The following ANAPC7 variants were observed in gnomAD, a reference collection of about 807,000 sequenced individuals.
The protein encoded by ANAPC7 is anaphase promoting complex subunit 7.
ANAPC7 carries 25 observed loss-of-function variants against 63.3 expected under a neutral mutation model. The observed-to-expected ratio is 0.39, with a 90% CI of 0.29 to 0.55. The LOEUF (loss-of-function observed/expected upper bound fraction) is 0.55. Among genes scored for constraint, ANAPC7 ranks in the 20% least tolerant of loss-of-function variants. ANAPC7 has a pLI of 0.57. For synonymous variants in ANAPC7, 241 were observed against 251.7 expected, an observed-to-expected ratio of 0.96 and a Z score of 0.40; for missense variants, 516 against 691.7, an observed-to-expected ratio of 0.75 and a Z score of 2.85.
chr12:110,402,447 A>T (rs1268991335), intron 1 of ANAPC7, among the ~76,000 whole-genome samples: 1 of 151,470 alleles, frequency 6.6e-6, no homozygotes, highest in Non-Finnish European at 1.5e-5. Context: ...CTTCTGCCTC[A>T]GCCTCCCGAG....
chr12:110,399,879 T>C (rs1317044092), intron 1 of ANAPC7, among the ~76,000 whole-genome samples: 1 of 151,422 alleles, frequency 6.6e-6, no homozygotes, highest in Non-Finnish European at 1.5e-5. Context: ...GAGGATCACC[T>C]GAGGTCAGGA....
In ANAPC7 at chr12:110,395,125, G is replaced by A. The variant is rs1883460385; in HGVS notation, c.384C>T (p.Ile128=). 1 of 1,613,644 alleles carries A rather than the reference G, an allele frequency of 6.2e-7. No individual in the cohort carries two copies. Among genetic ancestry groups the A allele is most frequent in the Admixed American group, 1.7e-5 (1 of 59,898 alleles). ...DKDAIAILDG[I]PSRQRTPKIN... is the part of the protein sequence containing the mutation. ...CTTTGGGAGTTCTTTGTCTTGAAGG[G>A]ATCCCATCAAGTATAGCAATGGCAT... Residue 128 remains isoleucine (I), a synonymous_variant, in exon 3 of 11, where the codon ATC becomes ATT. Coordinates refer to ENST00000455511, the MANE Select transcript of ANAPC7 (RefSeq NM_016238.3).
intron 2 of ANAPC7, 98 bp from the exon 3 acceptor site, chr12:110,395,318 C>A: frequency 7.1e-6 from 7 of 988,620 alleles, no homozygotes; most frequent in Non-Finnish European, 9.9e-6. Context: ...CCCAGCAATT[C>A]TTTTTTTTTT....
At chr12:110,374,570 A>T (rs553934852) in intron 10 of ANAPC7, among the ~76,000 whole-genome samples, 7 of 152,070 alleles carry the variant, frequency 4.6e-5, no homozygotes, top group Non-Finnish European at 1.0e-4. Flanking sequence ...TTTCTCCACA[A>T]ATTTCTTAAA....
Position 110,378,248 on chromosome 12 carries a change from C to A in ANAPC7, c.1133-631G>T, listed in dbSNP as rs534060677. 1.2e-4 allele frequency among the ~76,000 whole-genome samples: 19 copies of A among 152,290 alleles called. 3 individuals carry two copies. The South Asian group carries it at 3.5e-3, about 28-fold the overall frequency. On this transcript the variant is annotated intron_variant, in intron 8 of 10. Coordinates refer to ENST00000455511, the MANE Select transcript of ANAPC7 (RefSeq NM_016238.3). ...TAGCTGGGATTACAAGCATGCACCACCACACCCGGCTAGTTTTGTATTTTT... is the reference window on the plus strand; with the variant it reads ...TAGCTGGGATTACAAGCATGCACCAACACACCCGGCTAGTTTTGTATTTTT...
chr12:110,386,183 C>T (rs1399927776), intron 6 of ANAPC7, 144 bp downstream of exon 6: 1 of 1,231,548 alleles, frequency 8.1e-7, no homozygotes, highest in South Asian at 1.4e-5. Context: ...TGTGTCATGA[C>T]CTAAAAAAAG....
rs148234937 is a variant in ANAPC7 at position 110,395,542 on chromosome 12, C to T, written c.289-322G>A. On this transcript the variant is annotated intron_variant, in intron 2 of 10. Transcript: ENST00000455511. ...TCCTGACCTCAAGTCCTCCTACCTC[C>T]GCCTCTGGAAGTGCTTGGATTACAG... Among the ~76,000 whole-genome samples, 6 of 152,118 alleles carry T rather than the reference C, an allele frequency of 3.9e-5. No homozygotes were observed. In the East Asian group the frequency reaches 1.2e-3, roughly 29 times the overall value.
In ANAPC7 at chr12:110,379,629, C is replaced by A. The variant is rs543981809; in HGVS notation, c.1133-2012G>T. ...AGAACAAAGACAATACTCTTTCCCC[C>A]TCAACAAATCCAGAGGCATAGCTCT... On this transcript the variant is annotated intron_variant, in intron 8 of 10. Coordinates refer to ENST00000455511, the MANE Select transcript of ANAPC7 (RefSeq NM_016238.3). 2.0e-5 allele frequency among the ~76,000 whole-genome samples: 3 copies of A among 152,314 alleles called. No individual in the cohort carries two copies. In the South Asian group the frequency reaches 6.2e-4, roughly 32 times the overall value.
At chr12:110,389,856 C>A (rs925826788) in intron 3 of ANAPC7, among the ~76,000 whole-genome samples, 1 of 151,334 alleles carries the variant, frequency 6.6e-6, no homozygotes, top group Non-Finnish European at 1.5e-5. Flanking sequence ...GACGTGAACC[C>A]GGAAGGCAGA....
At chr12:110,382,466 A>ATATATATG (rs1566264405) in intron 7 of ANAPC7, among the ~76,000 whole-genome samples, 18 of 100,760 alleles carry the variant, frequency 1.8e-4, no homozygotes, top group African/African-American at 6.9e-4. Flanking sequence ...AAAAAAATAT[A>ATATATATG]TATATATATA....
intron 3 of ANAPC7, among the ~76,000 whole-genome samples, chr12:110,390,987 C>T (rs966843395): frequency 1.2e-4 from 18 of 152,096 alleles, no homozygotes; most frequent in African/African-American, 4.3e-4. Flanking sequence ...GTCAGGAGAT[C>T]GAGACCAGCC....
Position 110,391,516 on chromosome 12 carries a change from G to A in ANAPC7, c.409-2893C>T, listed in dbSNP as rs182229965. On this transcript the variant is annotated intron_variant, in intron 3 of 10. Coordinates refer to ENST00000455511, the MANE Select transcript of ANAPC7 (RefSeq NM_016238.3). ...AGTTAACTCCCTAACAGACAAGAAA[G>A]AAAAACTGTAAATGTTATAGGTTTA... 7.2e-5 allele frequency among the ~76,000 whole-genome samples: 11 copies of A among 152,220 alleles called. No homozygotes were observed. The East Asian group carries it at 2.1e-3, about 29-fold the overall frequency.
intron 3 of ANAPC7, among the ~76,000 whole-genome samples, chr12:110,394,371 A>G (rs1883374146): frequency 6.6e-6 from 1 of 151,824 alleles, no homozygotes; most frequent in Non-Finnish European, 1.5e-5. Context: ...TCCCGCCTGT[A>G]ATCCCAACAC....
At chr12:110,388,403 T>G (rs28569834) in intron 4 of ANAPC7, 109 bp downstream of exon 4, 115,596 of 768,602 alleles carry the variant, frequency 0.15, 11,052 homozygotes, top group African/African-American at 0.39. Context: ...ATCACTCTCT[T>G]CAGGGGAACT....
At chr12:110,400,021 G>T (rs889094450) in intron 1 of ANAPC7, among the ~76,000 whole-genome samples, 4 of 152,104 alleles carry the variant, frequency 2.6e-5, no homozygotes, top group Middle Eastern at 3.4e-3. Context: ...AACCCAGCAG[G>T]CGGAGGTTGC....
intron 2 of ANAPC7, 105 bp from the exon 3 acceptor site, chr12:110,395,325 T>C: frequency 8.2e-7 from 1 of 1,223,400 alleles, no homozygotes; most frequent in Non-Finnish European, 1.1e-6. Context: ...ATTCTTTTTT[T>C]TTTTTTTGAG....
intron 10 of ANAPC7, 78 bp downstream of exon 10, chr12:110,375,988 T>A: frequency 6.8e-7 from 1 of 1,472,286 alleles, no homozygotes; most frequent in Non-Finnish European, 9.1e-7. Flanking sequence ...TGTGTGTGTT[T>A]CCATAACTCC....
chr12:110,387,880 A>G lies in ANAPC7; in HGVS notation c.533T>C (p.Leu178Pro). 6.2e-7 allele frequency: 1 copy of G among 1,614,014 alleles called. No individual in the cohort carries two copies. The highest frequency in any genetic ancestry group is 8.5e-7 in the Non-Finnish European group (1 of 1,179,928). The part of the protein sequence containing the change: ...ALDAILGLLS[L>P]SVKGAEVASM... ...TGCCACCTCTGCCCCTTTTACAGAA[A>G]GGGACAACAAGCCTAAACCAACAGA... The change falls in exon 5 of 11, where the codon CTT (leucine) becomes CCT (proline). Residue 178 changes from leucine to proline, a missense_variant. Coordinates refer to ENST00000455511, the MANE Select transcript of ANAPC7 (RefSeq NM_016238.3).
chr12:110,382,124 C>G (rs1250383560), intron 7 of ANAPC7, among the ~76,000 whole-genome samples, 176 bp from the exon 8 acceptor site: 1 of 151,710 alleles, frequency 6.6e-6, no homozygotes, highest in Non-Finnish European at 1.5e-5. Context: ...ACCAAAAAAT[C>G]CACTATTTAT....
Sources: gnomAD v4.1 joint callset for allele counts (sites outside exome capture counted in the v4.1 genomes callset) on GRCh38, gnomAD v4.1.1 for gene constraint, MANE v1.5 for transcripts, NCBI Gene and HGNC (gene_info 2026-07-23, HGNC 2026-07-21) for gene names.